Variants in PCDH15 observed in about 807,000 individuals in gnomAD.
PCDH15 encodes protocadherin-15.
A neutral mutation model predicts 178.5 loss-of-function variants in PCDH15; 129 were observed. That is an observed-to-expected ratio of 0.72 (90% CI 0.63 to 0.84). PCDH15 has a LOEUF of 0.84. PCDH15 is among the 40% of genes least tolerant of loss of function. The probability of loss-of-function intolerance (pLI) is 0.00; values close to 1 mark genes in which losing one functional copy is unlikely to be tolerated. For synonymous variants in PCDH15, 800 were observed against 732.0 expected (o/e 1.09, Z -1.50); for missense variants, 2,230 against 2,099.9 (o/e 1.06, Z -1.21).
chr10:54,139,505 A>G (rs530089699), intron 14 of PCDH15, among the ~76,000 whole-genome samples: 16 of 152,258 alleles, frequency 1.1e-4, no homozygotes, highest in African/African-American at 3.1e-4. Context: ...GTCATTTCCA[A>G]TTAAGAAAAA....
chr10:55,167,409 C>A (rs533865805), intron 1 of PCDH15, among the ~76,000 whole-genome samples: 1 of 152,236 alleles, frequency 6.6e-6, no homozygotes, highest in East Asian at 1.9e-4. Flanking sequence ...AGTCACCCAG[C>A]AATACAGCAC....
chr10:53,831,070 T>C (rs2076987536), intron 30 of PCDH15: 1 of 722,584 alleles, frequency 1.4e-6, no homozygotes, highest in Non-Finnish European at 2.5e-6. Flanking sequence ...ACTAAGGTGA[T>C]ATTTCTATTG....
chr10:55,125,382 T>C (rs1279247510), intron 2 of PCDH15, among the ~76,000 whole-genome samples: 1 of 152,054 alleles, frequency 6.6e-6, no homozygotes, highest in East Asian at 1.9e-4. Flanking sequence ...GGGTGACGTC[T>C]CCTTCTCTGG....
At chr10:55,202,812 T>C (rs1840290075) in intron 1 of PCDH15, among the ~76,000 whole-genome samples, 1 of 152,116 alleles carries the variant, frequency 6.6e-6, no homozygotes, top group South Asian at 2.1e-4. Context: ...TGTTTGGAAG[T>C]TCCTGCTTCG....
intron 2 of PCDH15, among the ~76,000 whole-genome samples, chr10:54,660,078 T>C (rs112000288): frequency 1.4e-4 from 22 of 151,876 alleles, no homozygotes; most frequent in African/African-American, 4.8e-4. Flanking sequence ...ATAACAAAAA[T>C]CAGAGCAGAA....
At chr10:55,503,960 G>C (rs1269909668) in intron 2 of PCDH15, among the ~76,000 whole-genome samples, 2 of 151,408 alleles carry the variant, frequency 1.3e-5, no homozygotes, top group Non-Finnish European at 3.0e-5. Flanking sequence ...CCAACTGTGT[G>C]ACTTCTAGAA....
intron 2 of PCDH15, among the ~76,000 whole-genome samples, chr10:55,414,898 G>T (rs545776128): frequency 6.6e-6 from 1 of 151,214 alleles, no homozygotes; most frequent in Non-Finnish European, 1.5e-5. Flanking sequence ...CTTCCTTTCT[G>T]ATTTAGTTGC....
At chr10:55,552,433 A>C (rs2132089320) in intron 2 of PCDH15, among the ~76,000 whole-genome samples, 1 of 151,688 alleles carries the variant, frequency 6.6e-6, no homozygotes, top group Non-Finnish European at 1.5e-5. Context: ...CTTGTGGGTT[A>C]ATACTAAAGC....
chr10:54,931,797 G>A (rs548128380), intron 2 of PCDH15, among the ~76,000 whole-genome samples: 23 of 152,194 alleles, frequency 1.5e-4, no homozygotes, highest in Non-Finnish European at 2.8e-4. Flanking sequence ...CTAGTGTTTT[G>A]TAGTTTCAGA....
Position 55,431,599 on chromosome 10 carries a change from G to A in PCDH15, c.-156+196026C>T, listed in dbSNP as rs10430483. The stretch of plus-strand genomic sequence containing the variant: ...GTTAAATCTAAGTATTTTCAAAATA[G>A]CAATCTATGTGGAATGTGCATACTC... On this transcript the variant is annotated intron_variant, in intron 2 of 5. Transcript: ENST00000613346. Among the ~76,000 whole-genome samples, 36 of 152,168 alleles carry A rather than the reference G, an allele frequency of 2.4e-4. No homozygotes were observed. In the East Asian group the frequency reaches 5.8e-3, roughly 25 times the overall value.
chr10:55,626,177 A>G (rs1837524282), intron 2 of PCDH15, among the ~76,000 whole-genome samples: 1 of 149,792 alleles, frequency 6.7e-6, no homozygotes, highest in Admixed American at 6.7e-5. Context: ...AAATAAATAA[A>G]TAAATAAAAT....
chr10:54,958,985 C>T (rs1022067094), intron 2 of PCDH15, among the ~76,000 whole-genome samples: 1 of 151,836 alleles, frequency 6.6e-6, no homozygotes, highest in Non-Finnish European at 1.5e-5. Flanking sequence ...ACAAATACAA[C>T]CTTTTAAGGA....
At chr10:55,149,507 G>A (rs2132099257) in intron 2 of PCDH15, among the ~76,000 whole-genome samples, 1 of 152,030 alleles carries the variant, frequency 6.6e-6, no homozygotes, top group Non-Finnish European at 1.5e-5. Context: ...TTATTACATG[G>A]GGGGAAACTT....
intron 2 of PCDH15, among the ~76,000 whole-genome samples, chr10:55,100,376 T>C (rs1376984385): frequency 1.3e-5 from 2 of 152,188 alleles, no homozygotes; most frequent in Admixed American, 6.6e-5. Flanking sequence ...CCTACCGATA[T>C]TTTTTATTTA....
chr10:55,612,298 A>T (rs980921794), intron 2 of PCDH15, among the ~76,000 whole-genome samples: 5 of 152,122 alleles, frequency 3.3e-5, no homozygotes, highest in African/African-American at 4.8e-5. Flanking sequence ...ATAAATACAT[A>T]TAATTAATTA....
intron 2 of PCDH15, among the ~76,000 whole-genome samples, chr10:55,049,912 A>G (rs1841114531): frequency 6.6e-6 from 1 of 152,032 alleles, no homozygotes; most frequent in Non-Finnish European, 1.5e-5. Flanking sequence ...TTTGCACTGA[A>G]ACAGAGTTTT....
chr10:55,404,061 A>T (rs1020364000), intron 2 of PCDH15, among the ~76,000 whole-genome samples: 6 of 152,070 alleles, frequency 3.9e-5, no homozygotes, highest in African/African-American at 1.4e-4. Flanking sequence ...AATAAAAAAG[A>T]GCAATTACTG....
intron 2 of PCDH15, among the ~76,000 whole-genome samples, chr10:55,508,054 T>C (rs764720586): frequency 6.6e-6 from 1 of 151,660 alleles, no homozygotes; most frequent in Non-Finnish European, 1.5e-5. Flanking sequence ...AGAAAAAACA[T>C]CCCGGACACT....
chr10:55,578,072 G>C (rs1041257082), intron 2 of PCDH15, among the ~76,000 whole-genome samples: 4 of 151,918 alleles, frequency 2.6e-5, no homozygotes, highest in African/African-American at 9.7e-5. Context: ...AAACAGGTAA[G>C]GTTAATATAC....
Sources: allele counts gnomAD v4.1 joint callset (sites outside exome capture counted in the v4.1 genomes callset), GRCh38; gene constraint gnomAD v4.1.1; transcripts MANE v1.5; gene names NCBI Gene and HGNC (gene_info 2026-07-23, HGNC 2026-07-21).